Variants in TENM3 observed in about 807,000 individuals in gnomAD.
TENM3 encodes the protein teneurin-3.
TENM3 carries 63 observed loss-of-function variants against 255.1 expected under a neutral mutation model. That is an observed-to-expected ratio of 0.25 (90% CI 0.20 to 0.30). The LOEUF (loss-of-function observed/expected upper bound fraction) is 0.30. TENM3 is among the 10% of genes least tolerant of loss of function. The pLI, the probability that TENM3 is intolerant of heterozygous loss-of-function variation, is 1.00. For missense variants in TENM3, 2,929 were observed against 3,461.1 expected (o/e 0.85, Z 3.86); for synonymous variants, 1,306 against 1,322.3 (o/e 0.99, Z 0.27).
At chr4:182,728,543 T>C (rs928152872) in intron 13 of TENM3, among the ~76,000 whole-genome samples, 2 of 152,214 alleles carry the variant, frequency 1.3e-5, no homozygotes, top group Non-Finnish European at 2.9e-5. Flanking sequence ...TGTTCTGAGA[T>C]AGTTGCTGTT....
At chr4:181,981,153 G>A in the TENM3 span, among the ~76,000 whole-genome samples, 13 of 152,040 alleles carry the variant, frequency 8.6e-5, no homozygotes, top group South Asian at 2.7e-3. Flanking sequence ...CTTACCCATC[G>A]AGTCCCAAAT....
intron 24 of TENM3, among the ~76,000 whole-genome samples, chr4:182,777,509 TTATGTGTGTGTGTGTG>T (rs1278111083): frequency 2.5e-5 from 3 of 120,112 alleles, no homozygotes; most frequent in Admixed American, 1.8e-4. Flanking sequence ...CATAATGTGT[TTATGTGTGTGTGTGTG>T]TGTGTGTGTG....
the TENM3 span, among the ~76,000 whole-genome samples, chr4:181,627,215 A>G: frequency 6.6e-6 from 1 of 152,240 alleles, no homozygotes; most frequent in Admixed American, 6.5e-5. Flanking sequence ...AGAAAATATT[A>G]GACCTGCTAT....
intron 3 of TENM3, among the ~76,000 whole-genome samples, chr4:182,536,879 A>T (rs1196329069): frequency 6.6e-6 from 1 of 152,130 alleles, no homozygotes; most frequent in Non-Finnish European, 1.5e-5. Context: ...TGTCAGATGG[A>T]ATGTTTATTA....
intron 3 of TENM3, among the ~76,000 whole-genome samples, chr4:182,355,144 GT>G (rs532210009): frequency 5.6e-4 from 85 of 152,278 alleles, no homozygotes; most frequent in Non-Finnish European, 1.0e-3. Context: ...AGGAGAGAAT[GT>G]TTCACAAAGA....
At chr4:181,944,259 A>T in the TENM3 span, among the ~76,000 whole-genome samples, 1 of 151,682 alleles carries the variant, frequency 6.6e-6, no homozygotes, top group African/African-American at 2.4e-5. Flanking sequence ...AGGGTGGGAC[A>T]CTGATATTAT....
chr4:182,137,094 T>A, the TENM3 span, among the ~76,000 whole-genome samples: 2 of 152,224 alleles, frequency 1.3e-5, no homozygotes, highest in Non-Finnish European at 2.9e-5. Context: ...GCATGGCTAA[T>A]GACATCAGCA....
At chr4:181,983,316 T>TA in the TENM3 span, among the ~76,000 whole-genome samples, 18 of 152,240 alleles carry the variant, frequency 1.2e-4, no homozygotes, top group African/African-American at 4.1e-4. Flanking sequence ...AGGGAAGGGA[T>TA]ACCAGCAAAC....
At chr4:181,870,795 C>T in the TENM3 span, among the ~76,000 whole-genome samples, 2 of 151,942 alleles carry the variant, frequency 1.3e-5, no homozygotes, top group Admixed American at 1.3e-4. Flanking sequence ...GATAAATAGG[C>T]TTTTTTAAAT....
the TENM3 span, among the ~76,000 whole-genome samples, chr4:181,661,012 A>G: frequency 1.3e-5 from 2 of 152,190 alleles, no homozygotes; most frequent in East Asian, 1.9e-4. Context: ...AGTTCAAGTC[A>G]TTAGAAATAA....
At chr4:182,710,044 G>T (rs1758635601) in intron 12 of TENM3, among the ~76,000 whole-genome samples, 1 of 152,138 alleles carries the variant, frequency 6.6e-6, no homozygotes, top group Admixed American at 6.6e-5. Context: ...CTGATTGGCT[G>T]ATTAGAAATA....
chr4:182,495,695 T>C (rs1484191895), intron 3 of TENM3, among the ~76,000 whole-genome samples: 3 of 152,258 alleles, frequency 2.0e-5, no homozygotes, highest in Non-Finnish European at 2.9e-5. Context: ...TTAGCTACTG[T>C]AGTTTTCGTT....
chr4:181,608,910 T>C, the TENM3 span, among the ~76,000 whole-genome samples: 1 of 152,176 alleles, frequency 6.6e-6, no homozygotes, highest in Non-Finnish European at 1.5e-5. Flanking sequence ...CTGTTTAAAA[T>C]GACACATCAA....
chr4:181,511,193 A>G, the TENM3 span, among the ~76,000 whole-genome samples: 1 of 152,224 alleles, frequency 6.6e-6, no homozygotes, highest in African/African-American at 2.4e-5. Flanking sequence ...GGGCAGTGCT[A>G]TGGCACCAGC....
At chr4:181,981,746 A>G in the TENM3 span, among the ~76,000 whole-genome samples, 1 of 152,176 alleles carries the variant, frequency 6.6e-6, no homozygotes, top group Admixed American at 6.6e-5. Flanking sequence ...GAATACGAAA[A>G]GTGGAAAAAG....
At chr4:181,672,025 C>A in the TENM3 span, among the ~76,000 whole-genome samples, 1 of 152,286 alleles carries the variant, frequency 6.6e-6, no homozygotes, top group East Asian at 1.9e-4. Context: ...AAAATATATA[C>A]TTTGGATAGC....
chr4:182,007,853 G>A, the TENM3 span, among the ~76,000 whole-genome samples: 1 of 152,164 alleles, frequency 6.6e-6, no homozygotes, highest in African/African-American at 2.4e-5. Flanking sequence ...TTTTTGCAGT[G>A]GCTGCTACTG....
the TENM3 span, among the ~76,000 whole-genome samples, chr4:181,656,564 G>C: frequency 1.3e-5 from 2 of 152,076 alleles, no homozygotes; most frequent in African/African-American, 4.8e-5. Flanking sequence ...AGCGGGGAGG[G>C]TCTGAGTTCG....
chr4:181,982,842 A>G, the TENM3 span, among the ~76,000 whole-genome samples: 4,296 of 152,242 alleles, frequency 0.028, 212 homozygotes, highest in African/African-American at 0.098. Context: ...TATAATGCTC[A>G]AAAGAAAAGT....
Sources: allele counts gnomAD v4.1 joint callset (sites outside exome capture counted in the v4.1 genomes callset), GRCh38; gene constraint gnomAD v4.1.1; transcripts MANE v1.5; gene names NCBI Gene and HGNC (gene_info 2026-07-23, HGNC 2026-07-21).